The following XKR9 variants were observed in gnomAD, a reference collection of about 807,000 sequenced individuals.
The protein encoded by XKR9 is XK-related protein 9.
In XKR9, 32 loss-of-function variants were observed where a neutral mutation model predicts 32.0. The observed-to-expected ratio is 1.00, with a 90% CI of 0.76 to 1.34. XKR9 has a LOEUF of 1.34. XKR9 is among the 40% of genes most tolerant of loss of function. The pLI, the probability that XKR9 is intolerant of heterozygous loss-of-function variation, is 0.00. For synonymous variants in XKR9, 168 were observed against 143.4 expected (o/e 1.17, Z -1.22); for missense variants, 546 against 429.7 (o/e 1.27, Z -2.39).
the XKR9 span, among the ~76,000 whole-genome samples, chr8:70,852,650 C>G: frequency 6.6e-6 from 1 of 152,088 alleles, no homozygotes; most frequent in East Asian, 1.9e-4. Context: ...ATATATACAC[C>G]ATGGAATACT....
chr8:70,937,559 AT>A, the XKR9 span, among the ~76,000 whole-genome samples: 1 of 152,074 alleles, frequency 6.6e-6, no homozygotes, highest in African/African-American at 2.4e-5. Context: ...GAATTGTGCA[AT>A]TGACTAAAGA....
intron 4 of XKR9, 144 bp from the exon 5 acceptor site, chr8:70,733,652 C>A (rs956730402): frequency 5.0e-6 from 4 of 804,522 alleles, no homozygotes; most frequent in Admixed American, 3.8e-5. Flanking sequence ...ATAATAATAT[C>A]TACTTCAAAA....
chr8:70,772,096 G>C (rs556239755), intron 2 of XKR9, among the ~76,000 whole-genome samples: 2 of 152,208 alleles, frequency 1.3e-5, no homozygotes, highest in South Asian at 4.2e-4. Context: ...CATTATACCT[G>C]ATAAATTAAT....
At chr8:70,983,765 G>A in the XKR9 span, among the ~76,000 whole-genome samples, 8 of 150,798 alleles carry the variant, frequency 5.3e-5, no homozygotes, top group Non-Finnish European at 1.2e-4. Context: ...TGGGGGACAA[G>A]GGCAAGACTT....
At chr8:70,820,549 C>G in the XKR9 span, among the ~76,000 whole-genome samples, 5 of 152,146 alleles carry the variant, frequency 3.3e-5, no homozygotes, top group South Asian at 1.0e-3. Flanking sequence ...AGTTCATTTT[C>G]TTACTGCTAT....
At chr8:71,018,843 C>T in the XKR9 span, among the ~76,000 whole-genome samples, 1 of 152,142 alleles carries the variant, frequency 6.6e-6, no homozygotes, top group Non-Finnish European at 1.5e-5. Flanking sequence ...AAAGTTAATT[C>T]AAAAATCCTT....
chr8:71,062,197 G>A, the XKR9 span, among the ~76,000 whole-genome samples: 4 of 152,288 alleles, frequency 2.6e-5, no homozygotes, highest in East Asian at 5.8e-4. Flanking sequence ...TGTAGCCATC[G>A]TGAAGAACAA....
the XKR9 span, among the ~76,000 whole-genome samples, chr8:71,052,035 G>A: frequency 2.4e-4 from 36 of 152,198 alleles, no homozygotes; most frequent in African/African-American, 5.3e-4. Flanking sequence ...AATTTGTGTC[G>A]GCTAAATAAT....
At chr8:71,020,733 G>A in the XKR9 span, among the ~76,000 whole-genome samples, 1 of 152,040 alleles carries the variant, frequency 6.6e-6, no homozygotes, top group Non-Finnish European at 1.5e-5. Context: ...CCATCACCTC[G>A]GGCATTTACC....
the XKR9 span, among the ~76,000 whole-genome samples, chr8:70,938,988 G>A: frequency 2.7e-5 from 4 of 150,076 alleles, no homozygotes; most frequent in African/African-American, 9.8e-5. Flanking sequence ...TTTTTTTTCA[G>A]GGGGTGGTTT....
the XKR9 span, among the ~76,000 whole-genome samples, chr8:70,831,535 C>A: frequency 1.3e-5 from 2 of 152,144 alleles, no homozygotes; most frequent in African/African-American, 4.8e-5. Context: ...CATCTCTTCT[C>A]CATGTTACAA....
At chr8:70,700,695 A>G (rs1805492335) in intron 3 of XKR9, among the ~76,000 whole-genome samples, 1 of 152,174 alleles carries the variant, frequency 6.6e-6, no homozygotes. Flanking sequence ...GTGCTGGGAG[A>G]ACCACTGCTC....
the XKR9 span, among the ~76,000 whole-genome samples, chr8:70,855,199 G>C: frequency 1.3e-5 from 2 of 151,964 alleles, no homozygotes; most frequent in Non-Finnish European, 2.9e-5. Context: ...GAGGAAGTTT[G>C]AACCGATGGC....
At chr8:70,740,903 C>G (rs947344662), downstream of XKR9, among the ~76,000 whole-genome samples, 9 of 152,330 alleles carry the variant, frequency 5.9e-5, no homozygotes, top group Non-Finnish European at 1.0e-4. Flanking sequence ...AGTTAGGCTG[C>G]TCGGGGTCAG....
At chr8:70,926,668 A>T in the XKR9 span, among the ~76,000 whole-genome samples, 1 of 152,220 alleles carries the variant, frequency 6.6e-6, no homozygotes, top group East Asian at 1.9e-4. Flanking sequence ...CAAAGACAAA[A>T]TATGCACAGG....
chr8:70,785,430 A>G (rs939794513), intron 2 of XKR9, among the ~76,000 whole-genome samples: 5 of 151,634 alleles, frequency 3.3e-5, no homozygotes, highest in African/African-American at 1.2e-4. Flanking sequence ...TGCCAATTTT[A>G]TCTTTTTAAA....
the XKR9 span, among the ~76,000 whole-genome samples, chr8:70,858,079 C>G: frequency 6.6e-6 from 1 of 152,162 alleles, no homozygotes; most frequent in Non-Finnish European, 1.5e-5. Context: ...CCTCTCTCAC[C>G]ACTCCTATTC....
chr8:70,931,975 G>T, the XKR9 span, among the ~76,000 whole-genome samples: 2 of 152,088 alleles, frequency 1.3e-5, no homozygotes, highest in African/African-American at 4.8e-5. Context: ...ACCATATCAG[G>T]TAGGTAGGTA....
At chr8:70,720,125 C>T (rs1298967870) in intron 4 of XKR9, among the ~76,000 whole-genome samples, 2 of 152,120 alleles carry the variant, frequency 1.3e-5, no homozygotes, top group East Asian at 3.9e-4. Flanking sequence ...TGTAGGAATG[C>T]TTGTGATTTT....
Sources: gnomAD v4.1 joint callset for allele counts (sites outside exome capture counted in the v4.1 genomes callset) on GRCh38, gnomAD v4.1.1 for gene constraint, MANE v1.5 for transcripts, NCBI Gene and HGNC (gene_info 2026-07-23, HGNC 2026-07-21) for gene names.